The following TMEM54 variants were observed in gnomAD, a reference collection of about 807,000 sequenced individuals.
TMEM54 encodes transmembrane protein 54, also known as beta-casein-like protein.
A neutral mutation model predicts 21.3 loss-of-function variants in TMEM54; 21 were observed. The observed-to-expected ratio is 0.99, with a 90% CI of 0.70 to 1.42. TMEM54 has a LOEUF of 1.42. Ranked by LOEUF, TMEM54 falls within the 40% of genes most tolerant of loss-of-function variation. The pLI is 0.00. For synonymous variants in TMEM54, 109 were observed against 125.0 expected (o/e 0.87, Z 0.86); for missense variants, 246 against 294.0 (o/e 0.84, Z 1.19).
Position 32,895,948 on chromosome 1 carries a change from C to T in TMEM54, c.232G>A (p.Ala78Thr). 2 of 1,613,404 alleles carry T rather than the reference C, an allele frequency of 1.2e-6. No individual in the cohort carries two copies. Among genetic ancestry groups the T allele is most frequent in the Non-Finnish European group, 1.7e-6 (2 of 1,179,722 alleles). Reference protein sequence around the residue: ...AIVVITSGIAAIVLSRYLPST... With the variant: ...AIVVITSGIATIVLSRYLPST... ...GGGAGGTAGCGTGACAACACGATGG[C>T]TGCGATGCCTGAAGTGATGACCTGT... The change falls in exon 3 of 6, where the codon GCC (alanine) becomes ACC (threonine). Residue 78 changes from alanine (A) to threonine (T), a missense_variant. Physicochemically the swap from Ala to Thr is moderately conservative, Grantham distance 58 (BLOSUM62 0). Transcript: ENST00000373463. This position sits in a 1 kb window ranked among gnomAD's most constrained non-coding sequence, Gnocchi z 5.8.
At chr1:32,898,083 C>G in intron 2 of TMEM54, 43 bp downstream of exon 2, 1 of 1,558,824 alleles carries the variant, frequency 6.4e-7, no homozygotes, top group Middle Eastern at 1.7e-4. Context: ...TTCAAGCCCC[C>G]TCCAGCCTCC....
intron 1 of TMEM54, among the ~76,000 whole-genome samples, chr1:32,898,719 C>T (rs541131181): frequency 4.6e-5 from 7 of 152,292 alleles, no homozygotes; most frequent in South Asian, 2.1e-4. Flanking sequence ...TGGGGTACGA[C>T]GGTGAGCTCC....
At chr1:32,894,986 GGC>G in intron 5 of TMEM54, 107 bp from the exon 6 acceptor site, 1 of 1,506,132 alleles carries the variant, frequency 6.6e-7, no homozygotes, top group Non-Finnish European at 8.9e-7. Flanking sequence ...GCTCTCTGGG[GGC>G]AAAGGGGCAT....
chr1:32,896,021 C>A lies in TMEM54; in HGVS notation c.211-52G>T. ...GACTCCTTGGCTGGAGGAACAGGGG[C>A]AGGGGGATCAGGGCCACTCTGGGAT... is the stretch of plus-strand genomic sequence containing the variant. On this transcript the variant is annotated intron_variant, in intron 2 of 5. Coordinates refer to ENST00000373463, the MANE Select transcript of TMEM54 (RefSeq NM_033504.4). This position sits in a 1 kb window ranked among gnomAD's most constrained non-coding sequence, Gnocchi z 4.1. 3 of 1,577,322 alleles carry A rather than the reference C, an allele frequency of 1.9e-6. No homozygotes were observed. Among genetic ancestry groups the A allele is most frequent in the Non-Finnish European group, 2.6e-6 (3 of 1,158,588 alleles).
chr1:32,894,905 A>T (rs1557543641), intron 5 of TMEM54, 26 bp from the exon 6 acceptor site: 1 of 1,601,634 alleles, frequency 6.2e-7, no homozygotes, highest in Admixed American at 1.7e-5. Context: ...AGGCTGCCAG[A>T]CCCACTGGTT....
Position 32,895,487 on chromosome 1 carries a change from G to A in TMEM54, c.460-48C>T. ...GGCTGGCTGGAGTTGGGGGTGGAGG[G>A]TGGATTCCAAGAGCCCTTCCCACCC... is the stretch of plus-strand genomic sequence containing the variant. On this transcript the variant is annotated intron_variant, in intron 4 of 5. Coordinates refer to ENST00000373463, the MANE Select transcript of TMEM54 (RefSeq NM_033504.4). This position sits in a 1 kb window ranked among gnomAD's most constrained non-coding sequence, Gnocchi z 5.8. The A allele has an allele frequency of 3.1e-6, 5 of 1,596,790 alleles. No individual in the cohort carries two copies. The highest frequency in any genetic ancestry group is 4.3e-6 in the Non-Finnish European group (5 of 1,168,468).
In TMEM54 at chr1:32,901,031, C is replaced by T. The variant is rs1641715017; in HGVS notation, c.16+192G>A. Among the ~76,000 whole-genome samples, 2 of 152,212 alleles carry T rather than the reference C, an allele frequency of 1.3e-5. No individual in the cohort carries two copies. The highest frequency in any genetic ancestry group is 4.8e-5 in the African/African-American group (2 of 41,462). On this transcript the variant is annotated intron_variant, in intron 1 of 5. Transcript: ENST00000373463. This position sits in a 1 kb window ranked among gnomAD's most constrained non-coding sequence, Gnocchi z 4.2. ...CCACATCGAGAAGACACCCGCAGCG[C>T]TCCTCCCCTCCATTTCACTGCTGGG...
intron 1 of TMEM54, among the ~76,000 whole-genome samples, chr1:32,898,907 C>A (rs914550433): frequency 5.9e-5 from 9 of 152,116 alleles, no homozygotes; most frequent in Non-Finnish European, 1.3e-4. Context: ...ATCTCCATGT[C>A]CCCATCTGTA....
Position 32,901,321 on chromosome 1 carries a change from C to CGGGCGACGGGCCAGCGGGA in TMEM54, c.-84_-83insTCCCGCTGGCCCGTCGCCC. 8.4e-7 allele frequency: 1 copy of CGGGCGACGGGCCAGCGGGA among 1,184,212 alleles called. No individual in the cohort carries two copies. Among genetic ancestry groups the CGGGCGACGGGCCAGCGGGA allele is most frequent in the Non-Finnish European group, 1.1e-6 (1 of 947,416 alleles). 73.4% of individuals were successfully genotyped at this position (1,184,212 alleles called of 1,614,324 possible). ...GCCGGGGGACCCTGCTCCCATCCCG[C>CGGGCGACGGGCCAGCGGGA]TGGCCCGTCGCCCGCGCGCCCCGCA... On this transcript the variant is annotated 5_prime_UTR_variant, in exon 1 of 6. Transcript: ENST00000373463. The surrounding 1 kb of genome is among the most constrained non-coding windows in gnomAD (Gnocchi z 4.2).
At position 32,899,768 on chromosome 1, in the gene TMEM54, G is replaced by A. The variant is rs115253394; in HGVS notation, c.17-1449C>T. 6.2e-3 allele frequency among the ~76,000 whole-genome samples: 949 copies of A among 152,306 alleles called. 9 individuals are homozygous for A. Among genetic ancestry groups the A allele is most frequent in the Non-Finnish European group, 7.3e-3 (498 of 68,030 alleles). On this transcript the variant is annotated intron_variant, in intron 1 of 5. Coordinates refer to ENST00000373463, the MANE Select transcript of TMEM54 (RefSeq NM_033504.4). Reference sequence around the variant, plus strand: ...ACATCTGTCTGAAGCTGTGCCAAGAGACAGTCCCCAGGGAGCAGGAAGGGA... The same window carrying A: ...ACATCTGTCTGAAGCTGTGCCAAGAAACAGTCCCCAGGGAGCAGGAAGGGA...
In TMEM54 at chr1:32,901,169, C is replaced by T. The variant is rs1641718484; in HGVS notation, c.16+54G>A. 3 of 1,432,776 alleles carry T rather than the reference C, an allele frequency of 2.1e-6. No homozygotes were observed. Among genetic ancestry groups the T allele is most frequent in the South Asian group, 1.5e-5 (1 of 65,800 alleles). The allele number at this position is 1,432,776 out of a possible 1,614,324, so 88.8% of individuals were successfully genotyped here. A position where few individuals can be genotyped will look rare whatever the true frequency, so the allele number is the denominator to read the frequency against. ...CGGGTTCCGGGCTCAGTGCTCCGCT[C>T]CTGTGGGAGGGTTGGGGTGGTTCGG... On this transcript the variant is annotated intron_variant, in intron 1 of 5. Coordinates refer to ENST00000373463, the MANE Select transcript of TMEM54 (RefSeq NM_033504.4). This position sits in a 1 kb window ranked among gnomAD's most constrained non-coding sequence, Gnocchi z 4.2.
rs1456701427 is a variant in TMEM54, at chr1:32,895,208, G to A, written c.594+97C>T. 1 of 1,461,468 alleles carries A rather than the reference G, an allele frequency of 6.8e-7. No individual in the cohort carries two copies. The highest frequency in any genetic ancestry group is 9.2e-7 in the Non-Finnish European group (1 of 1,092,096). The allele number at this position is 1,461,468 out of a possible 1,614,324, so 90.5% of individuals were successfully genotyped here. A position where few individuals can be genotyped will look rare whatever the true frequency, so the allele number is the denominator to read the frequency against. ...GAAAACTTCTGCCCCATTTCTCAAG[G>A]TGGGGGCCCATACATAGGGGTGGGG... On this transcript the variant is annotated intron_variant, in intron 5 of 5. Coordinates refer to ENST00000373463, the MANE Select transcript of TMEM54 (RefSeq NM_033504.4). The surrounding 1 kb of genome is among the most constrained non-coding windows in gnomAD (Gnocchi z 5.8).
intron 1 of TMEM54, among the ~76,000 whole-genome samples, chr1:32,900,653 CTG>C (rs971158015): frequency 2.0e-5 from 3 of 152,232 alleles, no homozygotes; most frequent in African/African-American, 7.2e-5. Context: ...GACAAAGAAA[CTG>C]AGGCTCACAA....
rs752609368 is a variant in TMEM54, at chr1:32,901,273, C to T, written c.-35G>A. On this transcript the variant is annotated 5_prime_UTR_variant, in exon 1 of 6. Transcript: ENST00000373463. This position sits in a 1 kb window ranked among gnomAD's most constrained non-coding sequence, Gnocchi z 4.2. ...GCGCTGGTCCCGCCCCCGGCTTCAG[C>T]GCGGCTCCCGAGGCTGCGGGCCGCC... is the stretch of plus-strand genomic sequence containing the variant. The T allele has an allele frequency of 2.0e-5, 28 of 1,378,660 alleles. No individual in the cohort carries two copies. Among genetic ancestry groups the T allele is most frequent in the Non-Finnish European group, 2.6e-5 (27 of 1,054,910 alleles). The allele number at this position is 1,378,660 out of a possible 1,614,324, so 85.4% of individuals were successfully genotyped here. A position where few individuals can be genotyped will look rare whatever the true frequency, so the allele number is the denominator to read the frequency against.
At position 32,895,471 on chromosome 1, in the gene TMEM54, G is replaced by T; in HGVS notation, c.460-32C>A. On this transcript the variant is annotated intron_variant, in intron 4 of 5. Transcript: ENST00000373463. This position sits in a 1 kb window ranked among gnomAD's most constrained non-coding sequence, Gnocchi z 5.8. ...GGCATGGGGCAGAGATGGCTGGCTG[G>T]AGTTGGGGGTGGAGGGTGGATTCCA... The T allele has an allele frequency of 6.2e-7, 1 of 1,601,482 alleles. No homozygotes were observed.
chr1:32,899,501 A>G (rs1452315743), intron 1 of TMEM54, among the ~76,000 whole-genome samples: 1 of 152,076 alleles, frequency 6.6e-6, no homozygotes, highest in African/African-American at 2.4e-5. Context: ...GGAGTTCAAG[A>G]CCAGCCTGAT....
Position 32,898,114 on chromosome 1 carries a change from G to T in TMEM54, c.210+12C>A, listed in dbSNP as rs139831959. The T allele has an allele frequency of 2.2e-4, 342 of 1,585,182 alleles. 1 individual carries two copies. The East Asian group carries it at 7.5e-3, about 35-fold the overall frequency. On this transcript the variant is annotated intron_variant, in intron 2 of 5. Coordinates refer to ENST00000373463, the MANE Select transcript of TMEM54 (RefSeq NM_033504.4). ...CCTCCTCCCACCAACCACCCTCCCA[G>T]CCTGGCCATACCACGATGGCGGAAG...
At position 32,895,257 on chromosome 1, in the gene TMEM54, A is replaced by G; in HGVS notation, c.594+48T>C. On this transcript the variant is annotated intron_variant, in intron 5 of 5. Coordinates refer to ENST00000373463, the MANE Select transcript of TMEM54 (RefSeq NM_033504.4). This position sits in a 1 kb window ranked among gnomAD's most constrained non-coding sequence, Gnocchi z 5.8. ...GGCAGAGCAGCTTGGGCACCCTGGC[A>G]GGGGCTCCCAGGAAATTCGGGGAGT... 6.4e-7 allele frequency: 1 copy of G among 1,573,058 alleles called. No individual in the cohort carries two copies.
In TMEM54 at chr1:32,895,795, C is replaced by A; in HGVS notation, c.271-52G>T. The A allele has an allele frequency of 6.5e-7, 1 of 1,545,404 alleles. No individual in the cohort carries two copies. Among genetic ancestry groups the A allele is most frequent in the South Asian group, 1.2e-5 (1 of 82,818 alleles). ...GGGCGTCGTGCTTGGCCCCCATGGG[C>A]AGCTCTGGCCTCCCTGAGGGTCAGC... On this transcript the variant is annotated intron_variant, in intron 3 of 5. Coordinates refer to ENST00000373463, the MANE Select transcript of TMEM54 (RefSeq NM_033504.4). The surrounding 1 kb of genome is among the most constrained non-coding windows in gnomAD (Gnocchi z 5.8).
Sources: gnomAD v4.1 joint callset for allele counts (sites outside exome capture counted in the v4.1 genomes callset) on GRCh38, gnomAD v4.1.1 for gene constraint, Gnocchi (gnomAD v3.1) non-coding constraint, MANE v1.5 for transcripts, NCBI Gene and HGNC (gene_info 2026-07-23, HGNC 2026-07-21) for gene names.